The following ATP8B4 variants were observed in gnomAD, a reference collection of about 807,000 sequenced individuals.
ATP8B4 encodes probable phospholipid-transporting ATPase IM.
In ATP8B4, 133 loss-of-function variants were observed where a neutral mutation model predicts 145.6. The observed-to-expected ratio is 0.91, with a 90% CI of 0.79 to 1.05. ATP8B4 has a LOEUF of 1.05. Ranked by LOEUF, ATP8B4 falls within the 50% of genes least tolerant of loss-of-function variation. The pLI is 0.00. For synonymous variants in ATP8B4, 507 were observed against 492.9 expected (o/e 1.03, Z -0.38); for missense variants, 1,458 against 1,425.2 (o/e 1.02, Z -0.37).
chr15:49,874,737 T>C (rs555598496), intron 25 of ATP8B4, among the ~76,000 whole-genome samples: 3 of 152,324 alleles, frequency 2.0e-5, no homozygotes, highest in Non-Finnish European at 4.4e-5. Context: ...AAGAAGTCAC[T>C]TGAAGCTTTT....
At chr15:50,107,318 T>C (rs2056734324) in intron 1 of ATP8B4, among the ~76,000 whole-genome samples, 1 of 152,056 alleles carries the variant, frequency 6.6e-6, no homozygotes, top group Non-Finnish European at 1.5e-5. Context: ...AGGGGTGAGG[T>C]TCCAGAATCT....
intron 6 of ATP8B4, among the ~76,000 whole-genome samples, chr15:50,012,940 C>T (rs2048824996): frequency 6.6e-6 from 1 of 152,114 alleles, no homozygotes; most frequent in Admixed American, 6.6e-5. Context: ...CTCAGAGATA[C>T]ATCTAATGAG....
intron 1 of ATP8B4, among the ~76,000 whole-genome samples, chr15:50,113,854 A>G (rs1349903800): frequency 6.6e-6 from 1 of 150,830 alleles, no homozygotes; most frequent in East Asian, 1.9e-4. Flanking sequence ...AAAAAAAAAA[A>G]AAAAAAAAAA....
At chr15:49,946,053 T>C (rs2153482427) in intron 14 of ATP8B4, among the ~76,000 whole-genome samples, 1 of 152,212 alleles carries the variant, frequency 6.6e-6, no homozygotes, top group Non-Finnish European at 1.5e-5. Flanking sequence ...AAGGAAGAAA[T>C]AAAAATGTCC....
chr15:49,886,746 A>G (rs1004816177), intron 23 of ATP8B4, among the ~76,000 whole-genome samples: 1 of 152,064 alleles, frequency 6.6e-6, no homozygotes, highest in South Asian at 2.1e-4. Context: ...CAACTTTGCC[A>G]TATGGGCATT....
In ATP8B4 at chr15:49,876,389, G is replaced by A; in HGVS notation, c.2916C>T (p.Ile972=). ...CCACGTTGTAAAAGGCCCCATAGGG[G>A]ATGAAGAAAAGGACTAATGAGGTGT... ...GIYTSLVLFF[I]PYGAFYNVAG... Residue 972 remains isoleucine (I), a synonymous_variant, in exon 25 of 28, where the codon ATC becomes ATT. Transcript: ENST00000284509. The A allele has an allele frequency of 1.9e-6, 3 of 1,614,108 alleles. No homozygotes were observed. Among genetic ancestry groups the A allele is most frequent in the Non-Finnish European group, 2.5e-6 (3 of 1,179,982 alleles).
At chr15:50,050,979 T>C (rs1479527748) in intron 3 of ATP8B4, among the ~76,000 whole-genome samples, 1 of 152,186 alleles carries the variant, frequency 6.6e-6, no homozygotes, top group African/African-American at 2.4e-5. Flanking sequence ...ATCTGTTTTT[T>C]TAGAGTCCAG....
In ATP8B4 at chr15:49,972,596, T is replaced by C. The variant is rs1247349078; in HGVS notation, c.1229A>G (p.Asn410Ser). The C allele has an allele frequency of 6.2e-7, 1 of 1,613,014 alleles. No homozygotes were observed. The highest frequency in any genetic ancestry group is 2.2e-5 in the East Asian group (1 of 44,874). Residue 410 changes from asparagine to serine, a missense_variant, in exon 13 of 28, where the codon AAT (asparagine) becomes AGT (serine). Transcript: ENST00000284509. ...GTTTCTCTTACCATAGATTCTCCCA[T>C]TAATGGAACATCTTTTAAAGGTCAT... is the stretch of plus-strand genomic sequence containing the variant. ...NIMTFKRCSINGRIYGEVHDD... is the reference protein window; with the variant it reads ...NIMTFKRCSISGRIYGEVHDD...
chr15:50,115,859 C>T (rs1464270049), intron 1 of ATP8B4, among the ~76,000 whole-genome samples: 1 of 152,190 alleles, frequency 6.6e-6, no homozygotes, highest in Non-Finnish European at 1.5e-5. Context: ...GAGAGCATTG[C>T]CATGGTCAAG....
chr15:50,057,402 A>G (rs549456653), intron 3 of ATP8B4, among the ~76,000 whole-genome samples: 21 of 152,252 alleles, frequency 1.4e-4, no homozygotes, highest in African/African-American at 5.1e-4. Flanking sequence ...TGTTCTCCCA[A>G]ATGGTGTTTC....
chr15:49,996,763 T>C lies in ATP8B4; in HGVS notation c.507-4A>G, dbSNP rs1321724098. On this transcript the variant is annotated splice_region_variant and splice_polypyrimidine_tract_variant and intron_variant, in intron 8 of 27. Transcript: ENST00000284509. ...GCGGACTTTTAGGTTCGTTTCCCTGTGAAATTATTGACATGACATGAATTT... is the reference window on the plus strand; with the variant it reads ...GCGGACTTTTAGGTTCGTTTCCCTGCGAAATTATTGACATGACATGAATTT... 3 of 1,605,374 alleles carry C rather than the reference T, an allele frequency of 1.9e-6. No homozygotes were observed. The highest frequency in any genetic ancestry group is 2.2e-5 in the East Asian group (1 of 44,530).
In ATP8B4 at chr15:49,868,892, A is replaced by G. The variant is rs8025169; in HGVS notation, c.3028-2408T>C. Among the ~76,000 whole-genome samples, 1,130 of 152,342 alleles carry G rather than the reference A, an allele frequency of 7.4e-3. 11 individuals carry two copies. The highest frequency in any genetic ancestry group is 0.026 in the African/African-American group (1,084 of 41,584). ...ACTAGTAAAATAAGAATATAATAGT[A>G]AAACTTGTAAGTTATTCATTAGAAA... On this transcript the variant is annotated intron_variant, in intron 25 of 27. Coordinates refer to ENST00000284509, the MANE Select transcript of ATP8B4 (RefSeq NM_024837.4).
At chr15:49,910,242 C>G (rs1279033651) in intron 20 of ATP8B4, among the ~76,000 whole-genome samples, 1 of 151,926 alleles carries the variant, frequency 6.6e-6, no homozygotes, top group Non-Finnish European at 1.5e-5. Context: ...TAGACTAGAT[C>G]AAGAAGAAGA....
At chr15:50,181,303 C>T (rs759323751) in intron 1 of ATP8B4, among the ~76,000 whole-genome samples, 15 of 152,180 alleles carry the variant, frequency 9.9e-5, no homozygotes, top group Non-Finnish European at 2.2e-4. Flanking sequence ...GCATTCACTT[C>T]GTACAGAAGT....
chr15:49,954,214 A>G (rs959699018), intron 14 of ATP8B4, among the ~76,000 whole-genome samples: 8 of 152,112 alleles, frequency 5.3e-5, no homozygotes, highest in African/African-American at 1.9e-4. Flanking sequence ...GTGGGACTTC[A>G]TCTTGTGACT....
chr15:49,946,245 C>T (rs527997896), intron 14 of ATP8B4, among the ~76,000 whole-genome samples: 84 of 152,306 alleles, frequency 5.5e-4, no homozygotes, highest in African/African-American at 2.0e-3. Flanking sequence ...AAAACGATCT[C>T]ATCTAAAGTA....
intron 14 of ATP8B4, among the ~76,000 whole-genome samples, chr15:49,949,321 G>C (rs1190738582): frequency 6.6e-6 from 1 of 152,130 alleles, no homozygotes; most frequent in Non-Finnish European, 1.5e-5. Flanking sequence ...TTTCCCATTT[G>C]TTTGTGTTCT....
At chr15:50,100,207 GA>G in intron 2 of ATP8B4, among the ~76,000 whole-genome samples, 1 of 152,196 alleles carries the variant, frequency 6.6e-6, no homozygotes, top group South Asian at 2.1e-4. Context: ...AAAGTGCATA[GA>G]AATGTAAGGG....
intron 1 of ATP8B4, among the ~76,000 whole-genome samples, chr15:50,126,240 C>CAAAA (rs3076891): frequency 6.6e-5 from 6 of 91,418 alleles, no homozygotes; most frequent in East Asian, 2.7e-4. Context: ...GCTAACAGTC[C>CAAAA]AAAAAAAAAA....
Sources: gnomAD v4.1 joint callset for allele counts (sites outside exome capture counted in the v4.1 genomes callset) on GRCh38, gnomAD v4.1.1 for gene constraint, MANE v1.5 for transcripts, NCBI Gene and HGNC (gene_info 2026-07-23, HGNC 2026-07-21) for gene names.